DGKB: variants seen among roughly 807,000 people sequenced by gnomAD.
DGKB encodes the protein diacylglycerol kinase beta, also known as 90 kDa diacylglycerol kinase.
In DGKB, 67 loss-of-function variants were observed where a neutral mutation model predicts 114.3. That is an observed-to-expected ratio of 0.59 (90% confidence interval 0.48 to 0.72). The LOEUF (loss-of-function observed/expected upper bound fraction) is 0.72. Ranked by LOEUF, DGKB falls within the 30% of genes least tolerant of loss-of-function variation. The pLI is 0.00. For missense variants in DGKB, 907 were observed against 975.2 expected (o/e 0.93, Z 0.93); for synonymous variants, 398 against 323.1 (o/e 1.23, Z -2.49).
chr7:14,214,649 C>T lies in DGKB; in HGVS notation c.2123-36498G>A, dbSNP rs541565658. Reference sequence around the variant, plus strand: ...TCTTAAAAAACTGCTTTTTTGGCCTCTATCCTGCTCTCTCCTATTACATAA... The same window carrying T: ...TCTTAAAAAACTGCTTTTTTGGCCTTTATCCTGCTCTCTCCTATTACATAA... On this transcript the variant is annotated intron_variant, in intron 23 of 25. Transcript: ENST00000402815. Among the ~76,000 whole-genome samples the T allele has an allele frequency of 3.9e-5, 6 of 152,172 alleles. No homozygotes were observed. In the East Asian group the frequency reaches 9.7e-4, roughly 25 times the overall value.
At chr7:14,793,381 A>G (rs1383104984) in intron 2 of DGKB, among the ~76,000 whole-genome samples, 1 of 152,010 alleles carries the variant, frequency 6.6e-6, no homozygotes, top group Non-Finnish European at 1.5e-5. Context: ...CTTTTCCCCT[A>G]CGCATCTCAG....
chr7:14,231,406 T>C (rs1791822709), intron 23 of DGKB, among the ~76,000 whole-genome samples: 1 of 151,888 alleles, frequency 6.6e-6, no homozygotes, highest in African/African-American at 2.4e-5. Context: ...CCCCAAAATA[T>C]GCTTTTTAAT....
At chr7:14,564,485 G>A (rs1180280542) in intron 20 of DGKB, among the ~76,000 whole-genome samples, 1 of 152,098 alleles carries the variant, frequency 6.6e-6, no homozygotes, top group Non-Finnish European at 1.5e-5. Flanking sequence ...TCTCACAAAG[G>A]GAATTAGTCT....
chr7:14,177,386 C>T (rs1781919932), intron 24 of DGKB, among the ~76,000 whole-genome samples: 1 of 151,830 alleles, frequency 6.6e-6, no homozygotes, highest in African/African-American at 2.4e-5. Flanking sequence ...GAAACCCCAT[C>T]TGTACTAAAA....
intron 21 of DGKB, among the ~76,000 whole-genome samples, chr7:14,412,266 C>A (rs1290583919): frequency 6.6e-6 from 1 of 152,110 alleles, no homozygotes; most frequent in African/African-American, 2.4e-5. Context: ...CAAATTTGTA[C>A]AGCAAACAAT....
At chr7:14,916,424 A>G (rs540698874) in intron 1 of DGKB, among the ~76,000 whole-genome samples, 3 of 152,206 alleles carry the variant, frequency 2.0e-5, no homozygotes, top group African/African-American at 7.2e-5. Context: ...GTAAAAAAAG[A>G]TTCAACAAAT....
chr7:14,566,135 C>A (rs1264659701), intron 20 of DGKB, among the ~76,000 whole-genome samples: 3 of 151,606 alleles, frequency 2.0e-5, no homozygotes, highest in African/African-American at 7.3e-5. Context: ...TTTATAGAAA[C>A]TAAATCAAAT....
intron 16 of DGKB, among the ~76,000 whole-genome samples, chr7:14,608,286 C>T (rs924279506): frequency 2.0e-5 from 3 of 151,862 alleles, no homozygotes; most frequent in African/African-American, 7.3e-5. Context: ...GTTCAACATA[C>T]ACAAATCAAT....
intron 21 of DGKB, among the ~76,000 whole-genome samples, chr7:14,414,749 T>C (rs553199448): frequency 1.4e-4 from 21 of 152,256 alleles, no homozygotes; most frequent in Non-Finnish European, 2.5e-4. Context: ...CTCCACACAG[T>C]CCTTGACTTC....
At chr7:14,853,686 C>G (rs1164409930) in intron 1 of DGKB, among the ~76,000 whole-genome samples, 1 of 151,612 alleles carries the variant, frequency 6.6e-6, no homozygotes, top group Non-Finnish European at 1.5e-5. Context: ...GAAACCACGT[C>G]TCTACTGAAA....
intron 6 of DGKB, among the ~76,000 whole-genome samples, chr7:14,704,581 T>A (rs528446613): frequency 1.3e-3 from 204 of 151,410 alleles, no homozygotes; most frequent in Non-Finnish European, 2.3e-3. Context: ...ATCTGAGCTT[T>A]GAAGGGAGCA....
At chr7:14,960,573 G>T (rs1183411692) in intron 1 of DGKB, among the ~76,000 whole-genome samples, 2 of 151,862 alleles carry the variant, frequency 1.3e-5, no homozygotes, top group Non-Finnish European at 2.9e-5. Context: ...ATAAATATAA[G>T]CTCCTGTATA....
intron 23 of DGKB, among the ~76,000 whole-genome samples, chr7:14,258,089 G>A (rs775818065): frequency 6.6e-6 from 1 of 152,146 alleles, no homozygotes; most frequent in Non-Finnish European, 1.5e-5. Context: ...AGCAGTGTGA[G>A]AATGGACTAA....
intron 2 of DGKB, among the ~76,000 whole-genome samples, chr7:14,818,658 A>T (rs1014047641): frequency 6.6e-6 from 1 of 152,244 alleles, no homozygotes; most frequent in African/African-American, 2.4e-5. Context: ...ACTGAAGAAT[A>T]CAATCACCTC....
intron 23 of DGKB, among the ~76,000 whole-genome samples, chr7:14,295,779 A>C (rs1008453413): frequency 2.0e-5 from 3 of 152,046 alleles, no homozygotes; most frequent in Non-Finnish European, 4.4e-5. Context: ...ATAGGTATAC[A>C]TGTGCCATGG....
chr7:14,197,098 C>T (rs1785137791), intron 23 of DGKB, among the ~76,000 whole-genome samples: 1 of 152,032 alleles, frequency 6.6e-6, no homozygotes, highest in Non-Finnish European at 1.5e-5. Flanking sequence ...ACTTTATCTT[C>T]CCTTTCAAGG....
At chr7:14,395,237 C>T (rs1481842489) in intron 21 of DGKB, among the ~76,000 whole-genome samples, 1 of 151,966 alleles carries the variant, frequency 6.6e-6, no homozygotes, top group Non-Finnish European at 1.5e-5. Context: ...TCTTATAGTG[C>T]CTTTGATTTA....
intron 15 of DGKB, among the ~76,000 whole-genome samples, chr7:14,614,271 G>A (rs1423039097): frequency 2.6e-5 from 4 of 152,138 alleles, no homozygotes; most frequent in Admixed American, 2.6e-4. Flanking sequence ...GTTTTACGTA[G>A]TGTGGGAAAG....
chr7:14,724,982 C>A (rs1829801837), intron 5 of DGKB, among the ~76,000 whole-genome samples: 1 of 152,070 alleles, frequency 6.6e-6, no homozygotes, highest in African/African-American at 2.4e-5. Context: ...CCAACCTGGG[C>A]AAAATAGGGA....
Sources: gnomAD v4.1 joint callset for allele counts (sites outside exome capture counted in the v4.1 genomes callset) on GRCh38, gnomAD v4.1.1 for gene constraint, MANE v1.5 for transcripts, NCBI Gene and HGNC (gene_info 2026-07-23, HGNC 2026-07-21) for gene names.